Variants in ZMYM2 observed in about 807,000 individuals in gnomAD.
The protein encoded by ZMYM2 is zinc finger MYM-type protein 2.
In ZMYM2, 56 loss-of-function variants were observed where a neutral mutation model predicts 162.8. The ratio of observed to expected loss-of-function variants is 0.34; its 90% CI spans 0.28 to 0.43. The LOEUF (loss-of-function observed/expected upper bound fraction) is 0.43. ZMYM2 is among the 20% of genes least tolerant of loss of function. ZMYM2 has a pLI of 1.00. For synonymous variants in ZMYM2, 510 were observed against 541.6 expected, an observed-to-expected ratio of 0.94 and a Z score of 0.81; for missense variants, 1,275 against 1,621.8, an observed-to-expected ratio of 0.79 and a Z score of 3.67.
At chr13:19,923,663 CTTTTTTTTTTTTTT>C in the ZMYM2 span, among the ~76,000 whole-genome samples, 8 of 72,066 alleles carry the variant, frequency 1.1e-4, no homozygotes, top group Middle Eastern at 0.02. Flanking sequence ...CCTGTAGGGA[CTTTTTTTTTTTTTT>C]TTTTTTTTTT....
At chr13:19,896,859 CA>C in the ZMYM2 span, among the ~76,000 whole-genome samples, 1 of 150,582 alleles carries the variant, frequency 6.6e-6, no homozygotes, top group Non-Finnish European at 1.5e-5. Context: ...TGGATCACCT[CA>C]TCAGGAGTTC....
At chr13:20,021,129 C>G (rs1325595518) in intron 7 of ZMYM2, among the ~76,000 whole-genome samples, 1 of 152,036 alleles carries the variant, frequency 6.6e-6, no homozygotes, top group African/African-American at 2.4e-5. Context: ...GTGCCCGCCA[C>G]CATGCCCGGC....
intron 21 of ZMYM2, among the ~76,000 whole-genome samples, chr13:20,078,890 A>G (rs954912450): frequency 2.6e-5 from 4 of 152,110 alleles, no homozygotes; most frequent in Non-Finnish European, 4.4e-5. Flanking sequence ...CATTTTTATC[A>G]TTCAGTACTG....
the ZMYM2 span, among the ~76,000 whole-genome samples, chr13:19,885,929 G>GTGTA: frequency 6.3e-4 from 26 of 41,570 alleles, 9 homozygotes; most frequent in Admixed American, 9.9e-4. Flanking sequence ...ATATATATGT[G>GTGTA]TATACACATA....
chr13:20,071,635 C>T (rs979988684), intron 21 of ZMYM2, among the ~76,000 whole-genome samples: 1 of 152,194 alleles, frequency 6.6e-6, no homozygotes, highest in Non-Finnish European at 1.5e-5. Context: ...CCACCTGAGA[C>T]CTGGCAGAAG....
the ZMYM2 span, among the ~76,000 whole-genome samples, chr13:19,900,689 A>G: frequency 1.3e-5 from 2 of 152,118 alleles, no homozygotes; most frequent in Non-Finnish European, 2.9e-5. Flanking sequence ...CCTCAACTTG[A>G]TGTAGTGTCA....
Position 19,992,506 on chromosome 13 carries a change from G to A in ZMYM2, c.-10-557G>A, listed in dbSNP as rs1949706375. ...ACCTGGGAGGTCAAGGCTGTAGTGA[G>A]CCATGGTCACAACGCTGCACTCCAG... is the stretch of plus-strand genomic sequence containing the variant. On this transcript the variant is annotated intron_variant, in intron 2 of 24. Coordinates refer to ENST00000610343, the MANE Select transcript of ZMYM2 (RefSeq NM_197968.4). 1.3e-5 allele frequency among the ~76,000 whole-genome samples: 2 copies of A among 152,132 alleles called. 1 individual carries two copies. Among genetic ancestry groups the A allele is most frequent in the South Asian group, 4.1e-4 (2 of 4,822 alleles).
chr13:20,019,090 A>AC (rs1271650393), intron 6 of ZMYM2, among the ~76,000 whole-genome samples: 6 of 12,572 alleles, frequency 4.8e-4, no homozygotes, highest in Admixed American at 1.8e-3. Flanking sequence ...CAAAAAAAAA[A>AC]AAACAACAAC....
At chr13:19,904,386 G>A in the ZMYM2 span, among the ~76,000 whole-genome samples, 1 of 151,270 alleles carries the variant, frequency 6.6e-6, no homozygotes, top group African/African-American at 2.4e-5. Context: ...GTGAAACTCC[G>A]TCTCTACTAA....
the ZMYM2 span, among the ~76,000 whole-genome samples, chr13:19,883,534 T>C: frequency 8.1e-6 from 1 of 123,952 alleles, no homozygotes; most frequent in Non-Finnish European, 1.7e-5. Flanking sequence ...AGATGATTAT[T>C]TAATTGCCCC....
At chr13:20,061,628 G>T (rs565084704) in intron 17 of ZMYM2, among the ~76,000 whole-genome samples, 1 of 151,306 alleles carries the variant, frequency 6.6e-6, no homozygotes, top group Admixed American at 6.6e-5. Context: ...TTGCTCTGTT[G>T]CCCAGGGTGG....
At position 20,052,279 on chromosome 13, in the gene ZMYM2, C is replaced by A; in HGVS notation, c.2461C>A (p.Gln821Lys). ...QKGPENLHYD[Q>K]GCQTSRTKMT... is the part of the protein sequence containing the mutation. ...TTAAATTTTTTTGTGTTTTTTAGAT[C>A]AGGGTTGTCAGACATCTCGAACCAA... Residue 821 changes from glutamine (Q) to lysine (K), a missense_variant and splice_region_variant, in exon 14 of 25, where the codon CAG becomes AAG. Around this residue, in one of 10 missense-constraint regions of ZMYM2, gnomAD observed 177 missense variants for 228.0 expected, o/e 0.78. Coordinates refer to ENST00000610343, the MANE Select transcript of ZMYM2 (RefSeq NM_197968.4). The A allele has an allele frequency of 6.4e-7, 1 of 1,559,856 alleles. No individual in the cohort carries two copies. The highest frequency in any genetic ancestry group is 8.7e-7 in the Non-Finnish European group (1 of 1,151,148).
At chr13:20,041,733 G>A (rs962894682) in intron 12 of ZMYM2, among the ~76,000 whole-genome samples, 1 of 152,074 alleles carries the variant, frequency 6.6e-6, no homozygotes, top group Non-Finnish European at 1.5e-5. Flanking sequence ...TATAAAGCAG[G>A]TCTGGTGGTA....
At chr13:20,013,064 A>G (rs964676038) in intron 6 of ZMYM2, among the ~76,000 whole-genome samples, 1 of 152,176 alleles carries the variant, frequency 6.6e-6, no homozygotes, top group Non-Finnish European at 1.5e-5. Flanking sequence ...CATCTTAGCA[A>G]TAGTAAGTTA....
rs141103167 is a variant in ZMYM2 at position 19,971,434 on chromosome 13, T to C, written c.-11+11408T>C. Among the ~76,000 whole-genome samples the C allele has an allele frequency of 6.3e-3, 954 of 150,246 alleles. 18 individuals carry two copies. Among genetic ancestry groups the C allele is most frequent in the African/African-American group, 0.022 (893 of 40,944 alleles). On this transcript the variant is annotated intron_variant, in intron 2 of 24. Coordinates refer to ENST00000610343, the MANE Select transcript of ZMYM2 (RefSeq NM_197968.4). ...TACAGACATGTGCCACCACACCAGG[T>C]TAATTTTGTAGTTTTAGTAGAGACG...
At chr13:20,027,072 T>G (rs1952652867) in intron 8 of ZMYM2, 131 bp from the exon 9 acceptor site, 3 of 644,768 alleles carry the variant, frequency 4.7e-6, no homozygotes, top group South Asian at 5.1e-5. Flanking sequence ...GTGCACATAA[T>G]CTTCAGTATT....
intron 2 of ZMYM2, among the ~76,000 whole-genome samples, chr13:19,978,620 G>T (rs997942214): frequency 6.6e-6 from 1 of 151,928 alleles, no homozygotes; most frequent in Non-Finnish European, 1.5e-5. Flanking sequence ...TCTTCATGTT[G>T]GTCAGGCTGG....
the ZMYM2 span, among the ~76,000 whole-genome samples, chr13:19,866,820 G>A: frequency 6.6e-6 from 1 of 152,048 alleles, no homozygotes; most frequent in African/African-American, 2.4e-5. Flanking sequence ...CTTGAGCCCA[G>A]GAGGTCAAAG....
chr13:19,867,941 C>G, the ZMYM2 span, among the ~76,000 whole-genome samples: 1 of 152,206 alleles, frequency 6.6e-6, no homozygotes, highest in Non-Finnish European at 1.5e-5. Flanking sequence ...CCAGTTTTAT[C>G]TAAGACTGCT....
Sources: allele counts gnomAD v4.1 joint callset (sites outside exome capture counted in the v4.1 genomes callset), GRCh38; gene constraint gnomAD v4.1.1; regional missense constraint gnomAD v4.1.1; transcripts MANE v1.5; gene names NCBI Gene and HGNC (gene_info 2026-07-23, HGNC 2026-07-21).